Variants in MAP3K20 observed in about 807,000 individuals in gnomAD.
The protein encoded by MAP3K20 is mitogen-activated protein kinase kinase kinase 20.
A neutral mutation model predicts 85.7 loss-of-function variants in MAP3K20; 40 were observed. The ratio of observed to expected loss-of-function variants is 0.47; its 90% confidence interval spans 0.36 to 0.61. The LOEUF (loss-of-function observed/expected upper bound fraction) is 0.61. MAP3K20 is among the 20% of genes least tolerant of loss of function. MAP3K20 has a pLI of 0.00. For missense variants in MAP3K20, 817 were observed against 961.7 expected (o/e 0.85, Z 1.99); for synonymous variants, 325 against 327.7 (o/e 0.99, Z 0.09).
At chr2:173,257,068 G>A (rs1558914068) in intron 16 of MAP3K20, among the ~76,000 whole-genome samples, 1 of 152,158 alleles carries the variant, frequency 6.6e-6, no homozygotes, top group Non-Finnish European at 1.5e-5. Flanking sequence ...GGAGCCTGAG[G>A]TGGGAGAATC....
At chr2:173,224,158 A>C in intron 11 of MAP3K20, 2 of 862,886 alleles carry the variant, frequency 2.3e-6, no homozygotes, top group Non-Finnish European at 1.4e-6. Flanking sequence ...GGGAAGGAGG[A>C]CAAGGCCCAT....
At chr2:173,170,539 G>C (rs1689970338) in intron 3 of MAP3K20, among the ~76,000 whole-genome samples, 1 of 151,900 alleles carries the variant, frequency 6.6e-6, no homozygotes, top group African/African-American at 2.4e-5. Flanking sequence ...GTCTATAATC[G>C]GTTTTACAAC....
At chr2:173,204,746 T>C (rs907224346) in intron 9 of MAP3K20, among the ~76,000 whole-genome samples, 3 of 152,202 alleles carry the variant, frequency 2.0e-5, no homozygotes, top group Non-Finnish European at 4.4e-5. Context: ...TGATAATATA[T>C]AGAGGTTCAT....
chr2:173,148,741 A>G (rs1294692561), intron 2 of MAP3K20, among the ~76,000 whole-genome samples: 3 of 152,180 alleles, frequency 2.0e-5, no homozygotes, highest in Non-Finnish European at 4.4e-5. Flanking sequence ...TATTTTGCTG[A>G]TCTCTATGGA....
At chr2:173,103,680 T>C (rs983469235) in intron 2 of MAP3K20, among the ~76,000 whole-genome samples, 2 of 152,236 alleles carry the variant, frequency 1.3e-5, no homozygotes, top group Non-Finnish European at 2.9e-5. Context: ...TATTCAAGCC[T>C]ACTGCTAACA....
chr2:173,231,098 A>G (rs1255472101), intron 12 of MAP3K20, among the ~76,000 whole-genome samples: 1 of 152,224 alleles, frequency 6.6e-6, no homozygotes, highest in East Asian at 1.9e-4. Context: ...AAAAAAACAA[A>G]AGATGTAATG....
intron 2 of MAP3K20, among the ~76,000 whole-genome samples, chr2:173,134,422 A>T (rs1485914803): frequency 0.23 from 1,400 of 5,964 alleles, 158 homozygotes; most frequent in Non-Finnish European, 0.3. Flanking sequence ...ATATATATAT[A>T]TATATATTTT....
intron 11 of MAP3K20, among the ~76,000 whole-genome samples, chr2:173,228,658 T>G (rs2106328498): frequency 6.6e-6 from 1 of 152,324 alleles, no homozygotes; most frequent in East Asian, 1.9e-4. Context: ...AATTTATAAC[T>G]GTATTAGTCC....
rs1019558319 is a variant in MAP3K20, at chr2:173,221,721, A to G, written c.987+4471A>G. 17 of 1,303,496 alleles carry G rather than the reference A, an allele frequency of 1.3e-5. No homozygotes were observed. In the African/African-American group the frequency reaches 2.5e-4, roughly 19 times the overall value. 80.7% of individuals were successfully genotyped at this position (1,303,496 alleles called of 1,614,324 possible). A position where few individuals can be genotyped will look rare whatever the true frequency, so the allele number is the denominator to read the frequency against. On this transcript the variant is annotated intron_variant, in intron 11 of 19. Transcript: ENST00000375213. The stretch of plus-strand genomic sequence containing the variant: ...TTGCTTACAGAAAAACGGGGGGAGA[A>G]TTAAGCCAAAGAAGTATATTTATGA...
intron 2 of MAP3K20, among the ~76,000 whole-genome samples, chr2:173,134,388 C>CTA (rs1688715851): frequency 2.3e-5 from 1 of 43,432 alleles, no homozygotes; most frequent in African/African-American, 9.4e-5. Flanking sequence ...GTGTGTGTCT[C>CTA]TATACATATA....
At chr2:173,183,597 C>CT (rs527863392) in intron 4 of MAP3K20, among the ~76,000 whole-genome samples, 1,953 of 149,746 alleles carry the variant, frequency 0.013, 23 homozygotes, top group Middle Eastern at 0.024. Context: ...TTATTTTTAT[C>CT]TTTTTTTTTT....
chr2:173,255,794 G>T (rs75912090), intron 16 of MAP3K20, among the ~76,000 whole-genome samples: 1 of 152,168 alleles, frequency 6.6e-6, no homozygotes, highest in Non-Finnish European at 1.5e-5. Flanking sequence ...AAAAGAAACT[G>T]AACTAAGTAA....
chr2:173,132,637 C>G (rs1019819842), intron 2 of MAP3K20, among the ~76,000 whole-genome samples: 1 of 152,286 alleles, frequency 6.6e-6, no homozygotes. Flanking sequence ...TTTTCCCCTC[C>G]CCTGTCAGAT....
At chr2:173,265,399 T>C (rs1685396668) in intron 19 of MAP3K20, among the ~76,000 whole-genome samples, 1 of 152,262 alleles carries the variant, frequency 6.6e-6, no homozygotes. Flanking sequence ...TCTTAACTTC[T>C]TCCTATCTGC....
chr2:173,161,284 ACT>A (rs1000826906), intron 2 of MAP3K20, among the ~76,000 whole-genome samples: 1 of 152,152 alleles, frequency 6.6e-6, no homozygotes, highest in Admixed American at 6.5e-5. Context: ...AGTGAACATA[ACT>A]CTGAACTGTG....
intron 19 of MAP3K20, among the ~76,000 whole-genome samples, chr2:173,265,154 TGAG>T (rs1295192591): frequency 1.3e-5 from 2 of 152,296 alleles, no homozygotes; most frequent in Non-Finnish European, 2.9e-5. Flanking sequence ...GCCCAGGCAG[TGAG>T]GAGACAGAGA....
intron 3 of MAP3K20, among the ~76,000 whole-genome samples, chr2:173,173,546 C>T (rs751971063): frequency 6.6e-6 from 1 of 152,174 alleles, no homozygotes; most frequent in Non-Finnish European, 1.5e-5. Context: ...CCAAGGAAAA[C>T]ATACTAATTT....
intron 2 of MAP3K20, among the ~76,000 whole-genome samples, chr2:173,146,142 ACT>A (rs1291530775): frequency 6.6e-6 from 1 of 152,004 alleles, no homozygotes; most frequent in African/African-American, 2.4e-5. Context: ...TATTTTCAAG[ACT>A]CTACCTTATT....
intron 2 of MAP3K20, among the ~76,000 whole-genome samples, chr2:173,125,296 C>G (rs2106192835): frequency 6.6e-6 from 1 of 152,320 alleles, no homozygotes; most frequent in Non-Finnish European, 1.5e-5. Context: ...GTACGTATTT[C>G]AGTCTTCAGA....
Sources: allele counts gnomAD v4.1 joint callset (sites outside exome capture counted in the v4.1 genomes callset), GRCh38; gene constraint gnomAD v4.1.1; transcripts MANE v1.5; gene names NCBI Gene and HGNC (gene_info 2026-07-23, HGNC 2026-07-21).